DNAH11: variants seen among roughly 807,000 people sequenced by gnomAD.
The protein encoded by DNAH11 is axonemal beta dynein heavy chain 11.
DNAH11 carries 442 observed loss-of-function variants against 526.0 expected under a neutral mutation model. That is an observed-to-expected ratio of 0.84 (90% CI 0.78 to 0.91). DNAH11 has a LOEUF of 0.91. Ranked by LOEUF, DNAH11 falls within the 40% of genes least tolerant of loss-of-function variation. The pLI is 0.00. For missense variants in DNAH11, 6,989 were observed against 5,448.7 expected, an observed-to-expected ratio of 1.28 and a Z score of -8.90; for synonymous variants, 2,461 against 1,935.9, an observed-to-expected ratio of 1.27 and a Z score of -7.12.
At chr7:21,827,320 A>T (rs1790346212) in intron 65 of DNAH11, among the ~76,000 whole-genome samples, 1 of 152,196 alleles carries the variant, frequency 6.6e-6, no homozygotes, top group African/African-American at 2.4e-5. Flanking sequence ...AATTTTTCCA[A>T]AGCAAATTTA....
chr7:21,732,524 C>G (rs560987652), intron 45 of DNAH11, among the ~76,000 whole-genome samples: 3 of 152,300 alleles, frequency 2.0e-5, no homozygotes, highest in African/African-American at 4.8e-5. Flanking sequence ...CTCATTACAT[C>G]TGCAGCACCC....
intron 42 of DNAH11, among the ~76,000 whole-genome samples, chr7:21,716,676 C>T (rs1418359107): frequency 6.6e-6 from 1 of 152,154 alleles, no homozygotes; most frequent in Non-Finnish European, 1.5e-5. Context: ...ATTCCTTTGT[C>T]CCCAGGCACT....
At chr7:21,762,635 G>A (rs913499470) in intron 54 of DNAH11, among the ~76,000 whole-genome samples, 1 of 152,166 alleles carries the variant, frequency 6.6e-6, no homozygotes, top group African/African-American at 2.4e-5. Context: ...TATTTCGTTT[G>A]TAACTAGAGT....
Position 21,818,347 on chromosome 7 carries a change from T to G in DNAH11, c.10691+8T>G, listed in dbSNP as rs757930286. 4 of 1,605,902 alleles carry G rather than the reference T, an allele frequency of 2.5e-6. No homozygotes were observed. In the African/African-American group the frequency reaches 5.4e-5, roughly 22 times the overall value. ...CACAATTAAAAAAGGAAAGTAAGTA[T>G]TCTTGAATTTTTAACATATATATCT... is the stretch of plus-strand genomic sequence containing the variant. On this transcript the variant is annotated splice_region_variant and intron_variant, in intron 65 of 81. Coordinates refer to ENST00000409508, the MANE Select transcript of DNAH11 (RefSeq NM_001277115.2).
chr7:21,648,027 A>C (rs1438518507), intron 28 of DNAH11, among the ~76,000 whole-genome samples: 3 of 152,216 alleles, frequency 2.0e-5, no homozygotes, highest in Non-Finnish European at 4.4e-5. Context: ...TTAGCCAATC[A>C]TTAGAAGATG....
intron 58 of DNAH11, among the ~76,000 whole-genome samples, chr7:21,785,184 G>T (rs993141626): frequency 6.6e-6 from 1 of 152,108 alleles, no homozygotes; most frequent in Non-Finnish European, 1.5e-5. Flanking sequence ...GAAATCACTG[G>T]GCCTGAGATT....
rs754800615 is a variant in DNAH11 at position 21,765,542 on chromosome 7, C to G, written c.9055C>G (p.Leu3019Val). ...DWFHAWPQEA[L>V]VSVSRRFIEE... is the part of the protein sequence containing the mutation. ...GTTTCATGCGTGGCCGCAGGAGGCT[C>G]TGGTCTCCGTCAGCAGGAGGTTCAT... The change falls in exon 55 of 82, where the codon CTG becomes GTG. Residue 3019 changes from leucine to valine, a missense_variant. Transcript: ENST00000409508. 12 of 1,602,468 alleles carry G rather than the reference C, an allele frequency of 7.5e-6. No individual in the cohort carries two copies. In the South Asian group the frequency reaches 1.1e-4, roughly 15 times the overall value.
chr7:21,793,738 C>G (rs1788578586), intron 61 of DNAH11, among the ~76,000 whole-genome samples: 1 of 152,052 alleles, frequency 6.6e-6, no homozygotes, highest in Non-Finnish European at 1.5e-5. Context: ...GATTTCATGT[C>G]TGGATGATCT....
intron 25 of DNAH11, among the ~76,000 whole-genome samples, chr7:21,621,130 G>C (rs577972011): frequency 1.3e-5 from 2 of 152,178 alleles, no homozygotes; most frequent in East Asian, 3.9e-4. Context: ...GATCCCTGAG[G>C]AATCGCCACA....
At chr7:21,544,867 T>A (rs754758309) in intron 1 of DNAH11, 139 bp from the exon 2 acceptor site, 6 of 629,056 alleles carry the variant, frequency 9.5e-6, no homozygotes, top group Admixed American at 3.3e-5. Flanking sequence ...GGAAGAGCCG[T>A]AGAAGGACCT....
intron 54 of DNAH11, among the ~76,000 whole-genome samples, chr7:21,757,040 A>AT (rs1583663186): frequency 6.6e-6 from 1 of 152,176 alleles, no homozygotes; most frequent in African/African-American, 2.4e-5. Flanking sequence ...AAAGAAAGCC[A>AT]TTGGATGGAG....
chr7:21,673,586 C>G (rs188022822), intron 30 of DNAH11, among the ~76,000 whole-genome samples: 2 of 152,286 alleles, frequency 1.3e-5, no homozygotes, highest in African/African-American at 4.8e-5. Flanking sequence ...TCTGCTCTGA[C>G]CTCTCTCAAG....
chr7:21,564,563 A>G (rs569682890), intron 6 of DNAH11, among the ~76,000 whole-genome samples, 166 bp downstream of exon 6: 1 of 152,304 alleles, frequency 6.6e-6, no homozygotes, highest in South Asian at 2.1e-4. Flanking sequence ...TTAATCCTAA[A>G]TGGCAGGAAG....
At chr7:21,671,615 G>C (rs139535979) in intron 30 of DNAH11, among the ~76,000 whole-genome samples, 1 of 151,724 alleles carries the variant, frequency 6.6e-6, no homozygotes, top group East Asian at 1.9e-4. Context: ...AATCTTTGAC[G>C]TTATTGGTTT....
At chr7:21,848,805 A>C (rs1782516687) in intron 66 of DNAH11, among the ~76,000 whole-genome samples, 1 of 152,098 alleles carries the variant, frequency 6.6e-6, no homozygotes, top group Non-Finnish European at 1.5e-5. Flanking sequence ...GTACAATATA[A>C]ATTGTATTTC....
At chr7:21,803,336 C>T (rs1390494374) in intron 62 of DNAH11, among the ~76,000 whole-genome samples, 2 of 151,974 alleles carry the variant, frequency 1.3e-5, no homozygotes, top group Non-Finnish European at 2.9e-5. Context: ...TGATCAGCCA[C>T]CTAGGCTCTT....
intron 66 of DNAH11, chr7:21,851,339 C>A (rs1177577913): frequency 7.4e-6 from 2 of 269,760 alleles, no homozygotes; most frequent in Non-Finnish European, 1.5e-5. Context: ...CCTGATGCCT[C>A]CCCAGCTATA....
chr7:21,865,615 C>T (rs1345600236), intron 70 of DNAH11, among the ~76,000 whole-genome samples: 2 of 152,112 alleles, frequency 1.3e-5, no homozygotes, highest in Admixed American at 6.6e-5. Context: ...GAAACATAGT[C>T]CCTCCCAAAC....
chr7:21,674,336 G>A (rs1027234435), intron 30 of DNAH11, among the ~76,000 whole-genome samples: 3 of 152,008 alleles, frequency 2.0e-5, no homozygotes, highest in Non-Finnish European at 4.4e-5. Flanking sequence ...GATTACAGAT[G>A]TGAGCCACTG....
Sources: allele counts gnomAD v4.1 joint callset (sites outside exome capture counted in the v4.1 genomes callset), GRCh38; gene constraint gnomAD v4.1.1; transcripts MANE v1.5; gene names NCBI Gene and HGNC (gene_info 2026-07-23, HGNC 2026-07-21).